Variants in WWP1 observed in about 807,000 individuals in gnomAD.
WWP1 encodes WW domain containing E3 ubiquitin protein ligase 1, also known as NEDD4-like E3 ubiquitin-protein ligase WWP1.
WWP1 carries 49 observed loss-of-function variants against 130.6 expected under a neutral mutation model. The ratio of observed to expected loss-of-function variants is 0.38; its 90% CI spans 0.30 to 0.48. The LOEUF (loss-of-function observed/expected upper bound fraction) is 0.48. Ranked by LOEUF, WWP1 falls within the 20% of genes least tolerant of loss-of-function variation. The pLI is 0.99. For missense variants in WWP1, 809 were observed against 1,100.6 expected (o/e 0.74, Z 3.75); for synonymous variants, 332 against 367.8 (o/e 0.90, Z 1.11).
chr8:86,433,064 C>T (rs1303837307), intron 14 of WWP1, among the ~76,000 whole-genome samples: 5 of 152,116 alleles, frequency 3.3e-5, no homozygotes, highest in Non-Finnish European at 5.9e-5. Flanking sequence ...TTAATCCAGG[C>T]GTTGGTTTGC....
At chr8:86,367,340 A>T (rs1824029418) in intron 1 of WWP1, among the ~76,000 whole-genome samples, 2 of 152,238 alleles carry the variant, frequency 1.3e-5, no homozygotes, top group African/African-American at 4.8e-5. Flanking sequence ...AAGTCTTAAC[A>T]CTGCAGAGTG....
chr8:86,437,319 C>T (rs1810346905), intron 16 of WWP1, among the ~76,000 whole-genome samples: 1 of 152,170 alleles, frequency 6.6e-6, no homozygotes, highest in Admixed American at 6.5e-5. Context: ...GTTATACTAG[C>T]CTGTGAATAA....
chr8:86,346,354 C>T (rs1822578632), intron 1 of WWP1, among the ~76,000 whole-genome samples: 2 of 151,976 alleles, frequency 1.3e-5, no homozygotes, highest in Non-Finnish European at 2.9e-5. Context: ...ACCCGGGAGG[C>T]GGAGCTTGTA....
chr8:86,416,996 G>C (rs1208009257), intron 9 of WWP1, among the ~76,000 whole-genome samples: 2 of 152,074 alleles, frequency 1.3e-5, no homozygotes, highest in Admixed American at 6.5e-5. Flanking sequence ...ACTCACTTTT[G>C]GTAGCTACCA....
intron 18 of WWP1, among the ~76,000 whole-genome samples, chr8:86,445,893 C>A (rs1365189254): frequency 6.7e-6 from 1 of 150,200 alleles, no homozygotes; most frequent in African/African-American, 2.5e-5. Flanking sequence ...ATTTGTATTT[C>A]TCTGATGATT....
intron 17 of WWP1, among the ~76,000 whole-genome samples, chr8:86,440,255 T>C (rs1480311633): frequency 1.3e-5 from 2 of 152,358 alleles, no homozygotes; most frequent in East Asian, 3.8e-4. Flanking sequence ...ATAGTTTTAA[T>C]GAATATAGCT....
chr8:86,356,835 C>A (rs999701918), intron 1 of WWP1, among the ~76,000 whole-genome samples: 11 of 152,008 alleles, frequency 7.2e-5, no homozygotes, highest in African/African-American at 2.7e-4. Context: ...TTTAAAGGTT[C>A]TTTTTATGGT....
intron 1 of WWP1, among the ~76,000 whole-genome samples, chr8:86,363,809 A>C (rs1009833495): frequency 6.6e-6 from 1 of 151,888 alleles, no homozygotes; most frequent in Non-Finnish European, 1.5e-5. Context: ...AAAAAAAAAA[A>C]AAAAAGAAAT....
chr8:86,467,603 G>A lies in WWP1; in HGVS notation c.*710G>A, dbSNP rs372493959. On this transcript the variant is annotated 3_prime_UTR_variant, in exon 25 of 25. Transcript: ENST00000517970. ...TATCGAAATTGGAAGGATTCATTGAGCAGCATAGAAGTTTGTTTACATGTT... is the reference window on the plus strand; with the variant it reads ...TATCGAAATTGGAAGGATTCATTGAACAGCATAGAAGTTTGTTTACATGTT... The A allele has an allele frequency of 7.9e-5, 12 of 152,124 alleles. No homozygotes were observed. Among genetic ancestry groups the A allele is most frequent in the African/African-American group, 1.9e-4 (8 of 41,436 alleles). The allele number at this position is 152,124 out of a possible 1,614,324, so 9.4% of individuals were successfully genotyped here.
intron 1 of WWP1, among the ~76,000 whole-genome samples, chr8:86,364,079 A>G (rs923667014): frequency 6.6e-6 from 1 of 152,198 alleles, no homozygotes; most frequent in African/African-American, 2.4e-5. Context: ...ATGCAGGGCT[A>G]TTTAGAAGGC....
rs1824670009 is a variant in WWP1 at position 86,376,590 on chromosome 8, A to T, written c.70+2470A>T. 2.2e-5 allele frequency among the ~76,000 whole-genome samples: 3 copies of T among 136,206 alleles called. No individual in the cohort carries two copies. The South Asian group carries it at 6.4e-4, about 29-fold the overall frequency. 89.4% of individuals were successfully genotyped at this position (136,206 alleles called of 152,430 possible). ...TCTCAAAAAAAAAAGAAAGAAAAAG[A>T]AAAGAAAAAGAAAAACCTGATCTGG... On this transcript the variant is annotated intron_variant, in intron 3 of 24. Coordinates refer to ENST00000517970, the MANE Select transcript of WWP1 (RefSeq NM_007013.4).
At chr8:86,363,163 G>A (rs1384395190) in intron 1 of WWP1, among the ~76,000 whole-genome samples, 1 of 152,108 alleles carries the variant, frequency 6.6e-6, no homozygotes, top group Non-Finnish European at 1.5e-5. Flanking sequence ...ACTTCTGCTG[G>A]GTAGTGGCAG....
At chr8:86,361,863 C>G (rs949302625) in intron 1 of WWP1, among the ~76,000 whole-genome samples, 1 of 151,658 alleles carries the variant, frequency 6.6e-6, no homozygotes, top group Non-Finnish European at 1.5e-5. Context: ...AGTCACGTGT[C>G]TGTTTCTGCT....
intron 3 of WWP1, among the ~76,000 whole-genome samples, chr8:86,379,014 C>T (rs891369270): frequency 1.3e-5 from 2 of 152,188 alleles, no homozygotes; most frequent in African/African-American, 2.4e-5. Context: ...GTAAGTGGCA[C>T]ATTTGAAAAA....
chr8:86,388,076 T>A (rs932781822), intron 5 of WWP1, among the ~76,000 whole-genome samples: 1 of 152,222 alleles, frequency 6.6e-6, no homozygotes, highest in Non-Finnish European at 1.5e-5. Flanking sequence ...TAAATAGCCA[T>A]ACATGGCCGC....
At chr8:86,378,088 T>A (rs1477697770) in intron 3 of WWP1, among the ~76,000 whole-genome samples, 1 of 152,130 alleles carries the variant, frequency 6.6e-6, no homozygotes, top group African/African-American at 2.4e-5. Flanking sequence ...TGGTACTTTT[T>A]AAAAAAATAT....
rs140260535 is a variant in WWP1 at position 86,363,144 on chromosome 8, G to A, written c.-114-5795G>A. 2.2e-3 allele frequency among the ~76,000 whole-genome samples: 342 copies of A among 152,200 alleles called. 4 individuals carry two copies. Among genetic ancestry groups the A allele is most frequent in the African/African-American group, 7.6e-3 (317 of 41,518 alleles). Reference sequence around the variant, plus strand: ...TGGGGCAGTCTCCATTCTACAATATGGAATGAGAACTTCTGCTGGGTAGTG... The same window carrying A: ...TGGGGCAGTCTCCATTCTACAATATAGAATGAGAACTTCTGCTGGGTAGTG... On this transcript the variant is annotated intron_variant, in intron 1 of 24. Coordinates refer to ENST00000517970, the MANE Select transcript of WWP1 (RefSeq NM_007013.4).
At chr8:86,452,471 G>A in intron 20 of WWP1, 88 bp from the exon 21 acceptor site, 1 of 1,157,222 alleles carries the variant, frequency 8.6e-7, no homozygotes, top group Non-Finnish European at 1.2e-6. Flanking sequence ...TTTAGAAAAA[G>A]AGAAAGAACT....
chr8:86,389,870 G>A (rs1339127439), intron 5 of WWP1, among the ~76,000 whole-genome samples: 12 of 151,744 alleles, frequency 7.9e-5, no homozygotes, highest in Admixed American at 2.0e-4. Context: ...GCGGCTGGCC[G>A]GGCGGGGGCT....
Sources: gnomAD v4.1 joint callset for allele counts (sites outside exome capture counted in the v4.1 genomes callset) on GRCh38, gnomAD v4.1.1 for gene constraint, MANE v1.5 for transcripts, NCBI Gene and HGNC (gene_info 2026-07-23, HGNC 2026-07-21) for gene names.